PDE3B: variants seen among roughly 807,000 people sequenced by gnomAD.
PDE3B encodes phosphodiesterase 3B, also known as cGMP-inhibited 3',5'-cyclic phosphodiesterase 3B.
A neutral mutation model predicts 116.8 loss-of-function variants in PDE3B; 66 were observed. That is an observed-to-expected ratio of 0.56 (90% CI 0.46 to 0.69). The LOEUF (loss-of-function observed/expected upper bound fraction) is 0.69. Among genes scored for constraint, PDE3B ranks in the 30% least tolerant of loss-of-function variants. PDE3B has a pLI of 0.00. For synonymous variants in PDE3B, 595 were observed against 533.6 expected (o/e 1.12, Z -1.59); for missense variants, 1,384 against 1,368.1 (o/e 1.01, Z -0.18).
At chr11:14,752,576 T>C (rs1013029490) in intron 1 of PDE3B, among the ~76,000 whole-genome samples, 16 of 152,174 alleles carry the variant, frequency 1.1e-4, no homozygotes, top group Admixed American at 9.2e-4. Context: ...AGTTTTATGC[T>C]ATGGAGTCAT....
At chr11:14,849,924 G>A (rs1448637638) in intron 12 of PDE3B, among the ~76,000 whole-genome samples, 2 of 151,950 alleles carry the variant, frequency 1.3e-5, no homozygotes, top group Admixed American at 1.3e-4. Flanking sequence ...GTGGAAGTCA[G>A]TGTGGCGATT....
intron 1 of PDE3B, among the ~76,000 whole-genome samples, chr11:14,667,750 A>G (rs1472931955): frequency 6.6e-6 from 1 of 151,742 alleles, no homozygotes; most frequent in African/African-American, 2.4e-5. Context: ...ATGACAAGTT[A>G]ATGGGTGCAG....
chr11:14,833,665 G>A (rs1859968034), intron 10 of PDE3B, among the ~76,000 whole-genome samples: 2 of 152,056 alleles, frequency 1.3e-5, no homozygotes, highest in African/African-American at 2.4e-5. Flanking sequence ...AGAAAAAGAT[G>A]GACTGTCTTT....
intron 1 of PDE3B, among the ~76,000 whole-genome samples, chr11:14,736,712 G>T (rs1277221291): frequency 6.6e-6 from 1 of 152,076 alleles, no homozygotes; most frequent in African/African-American, 2.4e-5. Flanking sequence ...GAAGGAGAGA[G>T]GTTCTGGAAT....
At position 14,831,853 on chromosome 11, in the gene PDE3B, G is replaced by A. The variant is rs541412582; in HGVS notation, c.2094+76G>A. 14 of 1,034,070 alleles carry A rather than the reference G, an allele frequency of 1.4e-5. No homozygotes were observed. In the Admixed American group the frequency reaches 2.0e-4, roughly 15 times the overall value. The allele number at this position is 1,034,070 out of a possible 1,614,324, so 64.1% of individuals were successfully genotyped here. A position where few individuals can be genotyped will look rare whatever the true frequency, so the allele number is the denominator to read the frequency against. The stretch of plus-strand genomic sequence containing the variant: ...CTTTATAAAAAGCAAAATCTAATAT[G>A]TAATGGTTTAAGCACTAGTTCAACA... On this transcript the variant is annotated intron_variant, in intron 9 of 15. Coordinates refer to ENST00000282096, the MANE Select transcript of PDE3B (RefSeq NM_000922.4).
chr11:14,844,232 T>C (rs1240601965), intron 12 of PDE3B, among the ~76,000 whole-genome samples: 1 of 152,222 alleles, frequency 6.6e-6, no homozygotes. Flanking sequence ...AACTAGAAAA[T>C]AATAGACAGT....
At chr11:14,759,054 A>G (rs901120563) in intron 1 of PDE3B, among the ~76,000 whole-genome samples, 2 of 151,978 alleles carry the variant, frequency 1.3e-5, no homozygotes, top group Non-Finnish European at 2.9e-5. Context: ...GGCTCTGTTT[A>G]TATGCTGGAT....
chr11:14,825,855 A>G (rs1261174699), intron 7 of PDE3B, among the ~76,000 whole-genome samples: 1 of 152,048 alleles, frequency 6.6e-6, no homozygotes, highest in Non-Finnish European at 1.5e-5. Flanking sequence ...CACATGGTAC[A>G]TATTCTAAAA....
chr11:14,866,663 A>G (rs373408834), intron 14 of PDE3B, among the ~76,000 whole-genome samples: 7 of 152,312 alleles, frequency 4.6e-5, no homozygotes, highest in African/African-American at 1.7e-4. Context: ...TCATTACAGA[A>G]CAGACACTCC....
chr11:14,893,730 G>A, the PDE3B span, among the ~76,000 whole-genome samples: 1 of 152,056 alleles, frequency 6.6e-6, no homozygotes. Context: ...TATAAGGATC[G>A]TTGTGATTAT....
chr11:14,806,703 CA>C (rs1172698477), intron 5 of PDE3B, among the ~76,000 whole-genome samples: 1 of 148,692 alleles, frequency 6.7e-6, no homozygotes. Context: ...ACTAAAAATA[CA>C]AAAAATTAGC....
At chr11:14,872,557 A>G (rs1848154494), downstream of PDE3B, among the ~76,000 whole-genome samples, 3 of 152,202 alleles carry the variant, frequency 2.0e-5, no homozygotes, top group African/African-American at 7.2e-5. Context: ...ATGCCACTTA[A>G]ACTTTATTCC....
At chr11:14,694,824 T>A (rs769057643) in intron 1 of PDE3B, among the ~76,000 whole-genome samples, 3 of 152,172 alleles carry the variant, frequency 2.0e-5, no homozygotes, top group Non-Finnish European at 4.4e-5. Context: ...AATACCTTTC[T>A]TTTCTGTAGA....
the PDE3B span, among the ~76,000 whole-genome samples, chr11:14,897,227 GA>G: frequency 6.6e-6 from 1 of 152,032 alleles, no homozygotes; most frequent in African/African-American, 2.4e-5. Flanking sequence ...TTCAAAAACA[GA>G]AAAAAAATTC....
intron 2 of PDE3B, among the ~76,000 whole-genome samples, chr11:14,776,857 A>C (rs1857802617): frequency 6.6e-6 from 1 of 151,906 alleles, no homozygotes; most frequent in African/African-American, 2.4e-5. Context: ...TGAGGATAAA[A>C]TAAAAAATCA....
At chr11:14,858,910 G>C in intron 12 of PDE3B, 133 bp from the exon 13 acceptor site, 1 of 582,600 alleles carries the variant, frequency 1.7e-6, no homozygotes. Context: ...ATTTTCACAG[G>C]TACTAAAATA....
At chr11:14,893,722 T>C in the PDE3B span, among the ~76,000 whole-genome samples, 7 of 152,174 alleles carry the variant, frequency 4.6e-5, no homozygotes, top group Admixed American at 1.3e-4. Context: ...CTTCCACTTA[T>C]AAGGATCGTT....
chr11:14,661,911 T>A (rs1024141399), intron 1 of PDE3B, among the ~76,000 whole-genome samples: 1 of 152,188 alleles, frequency 6.6e-6, no homozygotes, highest in Non-Finnish European at 1.5e-5. Context: ...CAGTAACCTC[T>A]GCAGACTTAA....
intron 1 of PDE3B, among the ~76,000 whole-genome samples, chr11:14,725,171 T>C (rs1856246428): frequency 6.6e-6 from 1 of 152,304 alleles, no homozygotes; most frequent in South Asian, 2.1e-4. Context: ...AAGTGATTAA[T>C]AGGGGCTGCT....
Sources: gnomAD v4.1 joint callset for allele counts (sites outside exome capture counted in the v4.1 genomes callset) on GRCh38, gnomAD v4.1.1 for gene constraint, MANE v1.5 for transcripts, NCBI Gene and HGNC (gene_info 2026-07-23, HGNC 2026-07-21) for gene names.